Variants in PPM1H observed in about 807,000 individuals in gnomAD.
PPM1H encodes the protein protein phosphatase 1H.
PPM1H carries 27 observed loss-of-function variants against 54.9 expected under a neutral mutation model. That is an observed-to-expected ratio of 0.49 (90% CI 0.36 to 0.68). The LOEUF (loss-of-function observed/expected upper bound fraction) is 0.68, where lower values mean the gene tolerates loss of function less well. Ranked by LOEUF, PPM1H falls within the 30% of genes least tolerant of loss-of-function variation. PPM1H has a pLI of 0.00. For missense variants in PPM1H, 596 were observed against 667.8 expected (o/e 0.89, Z 1.19); for synonymous variants, 305 against 270.8 (o/e 1.13, Z -1.24).
At position 62,647,411 on chromosome 12, in the gene PPM1H, G is replaced by C. The variant is rs1381506900; in HGVS notation, c.*1078C>G. Reference sequence around the variant, plus strand: ...CTTACACTTTGTTTGGAGTGGGCTTGGGGACAGTCACAAGCCATGAAACAT... The same window carrying C: ...CTTACACTTTGTTTGGAGTGGGCTTCGGGACAGTCACAAGCCATGAAACAT... On this transcript the variant is annotated 3_prime_UTR_variant, in exon 10 of 10. Coordinates refer to ENST00000228705, the MANE Select transcript of PPM1H (RefSeq NM_020700.2). 1 of 152,206 alleles carries C rather than the reference G, an allele frequency of 6.6e-6. No homozygotes were observed. Among genetic ancestry groups the C allele is most frequent in the Non-Finnish European group, 1.5e-5 (1 of 68,054 alleles). The allele number at this position is 152,206 out of a possible 1,614,324, so 9.4% of individuals were successfully genotyped here.
intron 3 of PPM1H, among the ~76,000 whole-genome samples, chr12:62,791,172 G>A (rs189026231): frequency 6.6e-6 from 1 of 152,090 alleles, no homozygotes; most frequent in African/African-American, 2.4e-5. Flanking sequence ...CAATGCCAAC[G>A]CTCGCTGAGA....
chr12:62,870,821 A>C (rs1288577195), intron 1 of PPM1H, among the ~76,000 whole-genome samples: 1 of 152,224 alleles, frequency 6.6e-6, no homozygotes, highest in East Asian at 1.9e-4. Flanking sequence ...AATGCTCAAC[A>C]TCTTTAGTCA....
chr12:62,697,646 G>T (rs2076121919), intron 6 of PPM1H, among the ~76,000 whole-genome samples: 1 of 152,180 alleles, frequency 6.6e-6, no homozygotes, highest in Admixed American at 6.5e-5. Context: ...GGGAAGATAG[G>T]AGAGTGAAGC....
intron 4 of PPM1H, among the ~76,000 whole-genome samples, chr12:62,767,423 C>G (rs1220211030): frequency 6.6e-6 from 1 of 152,164 alleles, no homozygotes; most frequent in African/African-American, 2.4e-5. Flanking sequence ...CCTTTAACCT[C>G]TCTGTAAGTG....
intron 1 of PPM1H, among the ~76,000 whole-genome samples, chr12:62,905,533 GAAGA>G (rs1400161077): frequency 6.6e-5 from 10 of 152,166 alleles, no homozygotes; most frequent in African/African-American, 2.2e-4. Context: ...CAAAAGAAAG[GAAGA>G]GAGTATCCAT....
chr12:62,769,569 A>T (rs938339561), intron 4 of PPM1H, among the ~76,000 whole-genome samples: 12 of 152,214 alleles, frequency 7.9e-5, no homozygotes, highest in African/African-American at 2.9e-4. Context: ...ACATTCATTC[A>T]ATGTCTTCTA....
At chr12:62,817,161 GAAA>G (rs1179706449) in intron 2 of PPM1H, among the ~76,000 whole-genome samples, 3,445 of 75,290 alleles carry the variant, frequency 0.046, 135 homozygotes, top group African/African-American at 0.14. Flanking sequence ...CTAAAAAAAA[GAAA>G]AAAAAAAAAA....
chr12:62,801,767 C>A, intron 3 of PPM1H, 49 bp downstream of exon 3: 1 of 1,592,268 alleles, frequency 6.3e-7, no homozygotes, highest in Middle Eastern at 1.7e-4. Context: ...ACAGACCTGG[C>A]GCAGGCGCCA....
chr12:62,773,154 C>CAAAA (rs993930803), intron 4 of PPM1H, among the ~76,000 whole-genome samples: 3 of 145,626 alleles, frequency 2.1e-5, no homozygotes, highest in Non-Finnish European at 4.4e-5. Flanking sequence ...CTCAAAAAAA[C>CAAAA]AAAACAAAAC....
chr12:62,785,811 G>A (rs1000522660), intron 4 of PPM1H, among the ~76,000 whole-genome samples: 5 of 151,476 alleles, frequency 3.3e-5, no homozygotes, highest in African/African-American at 1.2e-4. Flanking sequence ...TAGGTAGGTG[G>A]CTCTTTTAAG....
At chr12:62,907,103 C>A (rs1194777139) in intron 1 of PPM1H, among the ~76,000 whole-genome samples, 1 of 152,176 alleles carries the variant, frequency 6.6e-6, no homozygotes. Flanking sequence ...ACTCTCCTGG[C>A]AAATTTAATG....
chr12:62,860,657 G>A lies in PPM1H; in HGVS notation c.246-28378C>T, dbSNP rs530225482. On this transcript the variant is annotated intron_variant, in intron 1 of 9. Coordinates refer to ENST00000228705, the MANE Select transcript of PPM1H (RefSeq NM_020700.2). ...GATTATGACGTACTGAATCCCTGAC[G>A]CATCTCCTACAACTCAGTGTTGAAA... is the stretch of plus-strand genomic sequence containing the variant. Among the ~76,000 whole-genome samples, 103 of 152,232 alleles carry A rather than the reference G, an allele frequency of 6.8e-4. 2 individuals carry two copies. The South Asian group carries it at 0.018, about 26-fold the overall frequency.
At chr12:62,879,127 G>T (rs1456780611) in intron 1 of PPM1H, among the ~76,000 whole-genome samples, 2 of 152,132 alleles carry the variant, frequency 1.3e-5, no homozygotes. Context: ...CTCTAGGTGG[G>T]GGCGAGAGCA....
At chr12:62,746,981 T>C (rs1487015110) in intron 4 of PPM1H, among the ~76,000 whole-genome samples, 1 of 152,224 alleles carries the variant, frequency 6.6e-6, no homozygotes, top group Admixed American at 6.5e-5. Context: ...AGACAGGATC[T>C]CGTTCTGTTG....
chr12:62,693,636 T>C (rs992370444), intron 7 of PPM1H, among the ~76,000 whole-genome samples: 2 of 152,222 alleles, frequency 1.3e-5, no homozygotes, highest in East Asian at 3.9e-4. Flanking sequence ...AGATGATGTG[T>C]GTGAAAGTGG....
chr12:62,877,967 G>A (rs1870238955), intron 1 of PPM1H, among the ~76,000 whole-genome samples: 1 of 152,158 alleles, frequency 6.6e-6, no homozygotes, highest in African/African-American at 2.4e-5. Context: ...GCACAATCTC[G>A]GCTCACTGCA....
intron 3 of PPM1H, among the ~76,000 whole-genome samples, chr12:62,797,511 A>C (rs1180348897): frequency 1.3e-5 from 2 of 152,210 alleles, no homozygotes; most frequent in Non-Finnish European, 2.9e-5. Flanking sequence ...AAAAAAGTTT[A>C]GGAATGATCT....
chr12:62,711,230 G>A (rs1024940209), intron 6 of PPM1H, among the ~76,000 whole-genome samples: 1 of 152,184 alleles, frequency 6.6e-6, no homozygotes, highest in African/African-American at 2.4e-5. Flanking sequence ...GGCCTCAAAG[G>A]ATCCACCCGC....
chr12:62,693,944 C>T lies in PPM1H; in HGVS notation c.1129G>A (p.Gly377Ser). Residue 377 changes from glycine (G) to serine (S), a missense_variant, in exon 7 of 10, where the codon GGC (glycine) becomes AGC (serine). This residue lies in a region of PPM1H where 208 missense variants were observed against 259.5 expected (regional missense o/e 0.80). Transcript: ENST00000228705. ...GAAGCACACGTGCCTACCTTCTTGCCTTCTCCATATATAAGGGGGAACTTC... is the reference window on the plus strand; with the variant it reads ...GAAGCACACGTGCCTACCTTCTTGCTTTCTCCATATATAAGGGGGAACTTC... ...DLKFPLIYGE[G>S]KKARVMATIG... The T allele has an allele frequency of 6.2e-7, 1 of 1,612,714 alleles. No homozygotes were observed. The highest frequency in any genetic ancestry group is 1.7e-5 in the Admixed American group (1 of 59,886).
Sources: gnomAD v4.1 joint callset for allele counts (sites outside exome capture counted in the v4.1 genomes callset) on GRCh38, gnomAD v4.1.1 for gene constraint, gnomAD v4.1.1 regional missense constraint, MANE v1.5 for transcripts, NCBI Gene and HGNC (gene_info 2026-07-23, HGNC 2026-07-21) for gene names.